Variants in ZMPSTE24 observed in about 807,000 individuals in gnomAD.
The protein encoded by ZMPSTE24 is CAAX prenyl protease 1 homolog.
Under a neutral mutation model 56.7 loss-of-function variants are expected in ZMPSTE24, and 48 were observed. The ratio of observed to expected loss-of-function variants is 0.85; its 90% CI spans 0.67 to 1.08. ZMPSTE24 has a LOEUF of 1.08. Among genes scored for constraint, ZMPSTE24 ranks in the 50% least tolerant of loss-of-function variants. ZMPSTE24 has a pLI of 0.00. For synonymous variants in ZMPSTE24, 172 were observed against 195.2 expected (o/e 0.88, Z 0.99); for missense variants, 503 against 548.7 (o/e 0.92, Z 0.83).
intron 8 of ZMPSTE24, among the ~76,000 whole-genome samples, chr1:40,288,514 T>C (rs1643808582): frequency 6.6e-6 from 1 of 152,224 alleles, no homozygotes; most frequent in Non-Finnish European, 1.5e-5. Context: ...GCATATGGCA[T>C]GCGCCAGTGA....
rs768751292 is a variant in ZMPSTE24 at position 40,271,997 on chromosome 1, G to A, written c.731G>A (p.Ser244Asn). 6 of 1,612,752 alleles carry A rather than the reference G, an allele frequency of 3.7e-6. No homozygotes were observed. The highest frequency in any genetic ancestry group is 1.1e-5 in the South Asian group (1 of 90,836). The change falls in exon 6 of 10, where the codon AGT becomes AAT. Residue 244 changes from serine to asparagine, a missense_variant. Coordinates refer to ENST00000372759, the MANE Select transcript of ZMPSTE24 (RefSeq NM_005857.5). ...LKEEIEVMAKSIDFPLTKVYV... is the reference protein window; with the variant it reads ...LKEEIEVMAKNIDFPLTKVYV... The stretch of plus-strand genomic sequence containing the variant: ...GAAGAAATTGAAGTAATGGCAAAGA[G>A]TATTGACTTTCCTTTGACGAAGGTG...
intron 1 of ZMPSTE24, among the ~76,000 whole-genome samples, chr1:40,260,142 C>T (rs1643481461): frequency 6.9e-6 from 1 of 144,704 alleles, no homozygotes; most frequent in Non-Finnish European, 1.5e-5. Flanking sequence ...CTTACTGCAA[C>T]CTCTGCCTCC....
chr1:40,260,694 A>T, intron 1 of ZMPSTE24, 145 bp from the exon 2 acceptor site: 1 of 760,352 alleles, frequency 1.3e-6, no homozygotes, highest in Non-Finnish European at 2.1e-6. Context: ...CGTTTCATGT[A>T]CTTGATCAAG....
intron 2 of ZMPSTE24, among the ~76,000 whole-genome samples, chr1:40,264,877 CAAAAAA>C (rs35889679): frequency 1.9e-5 from 1 of 53,266 alleles, no homozygotes; most frequent in Non-Finnish European, 3.7e-5. Flanking sequence ...GATCCTGTCT[CAAAAAA>C]AAAAAAAAAA....
Position 40,292,422 on chromosome 1 carries a change from AACCCT to A in ZMPSTE24, c.1204-22_1204-18del. On this transcript the variant is annotated intron_variant, in intron 9 of 9. Coordinates refer to ENST00000372759, the MANE Select transcript of ZMPSTE24 (RefSeq NM_005857.5). Reference sequence around the variant, plus strand: ...CAACAAAGAGGTGGGCAGTGGCTAAAACCCTTTCATTTTCTTTTTCAGGTTCTTTC... The same window carrying A: ...CAACAAAGAGGTGGGCAGTGGCTAAATTCATTTTCTTTTTCAGGTTCTTTC... The A allele has an allele frequency of 6.2e-7, 1 of 1,611,172 alleles. No individual in the cohort carries two copies. The highest frequency in any genetic ancestry group is 8.5e-7 in the Non-Finnish European group (1 of 1,178,846).
intron 7 of ZMPSTE24, among the ~76,000 whole-genome samples, chr1:40,284,001 C>T (rs568604811): frequency 6.7e-6 from 1 of 148,710 alleles, no homozygotes; most frequent in South Asian, 2.1e-4. Context: ...TGCAGTGGCG[C>T]GATCTCAGCT....
chr1:40,281,472 T>C lies in ZMPSTE24; in HGVS notation c.899T>C (p.Met300Thr), dbSNP rs1569651080. ...AAAGACATCCAGGAGGATTCTGGCATGGAACCCCGCAATGAGGAAGAAGGG... is the reference window on the plus strand; with the variant it reads ...AAAGACATCCAGGAGGATTCTGGCACGGAACCCCGCAATGAGGAAGAAGGG... ...LNKDIQEDSG[M>T]EPRNEEEGNS... The change falls in exon 7 of 10, where the codon ATG becomes ACG. Residue 300 changes from methionine to threonine, a missense_variant. By Grantham distance (81) the Met-to-Thr change is moderately conservative. Coordinates refer to ENST00000372759, the MANE Select transcript of ZMPSTE24 (RefSeq NM_005857.5). 1.2e-6 allele frequency: 2 copies of C among 1,614,152 alleles called. No individual in the cohort carries two copies. The highest frequency in any genetic ancestry group is 4.5e-5 in the East Asian group (2 of 44,858).
At position 40,270,097 on chromosome 1, in the gene ZMPSTE24, T is replaced by C. The variant is rs759745607; in HGVS notation, c.597T>C (p.Tyr199=). ...TTGGGGGTGACTATTTTTTTATTTA[T>C]GCCTGGCTGTTCACATTAGTTGTGT... ...IKIGGDYFFI[Y]AWLFTLVVSL... Residue 199 remains tyrosine, a synonymous_variant, in exon 5 of 10, where the codon TAT becomes TAC. Coordinates refer to ENST00000372759, the MANE Select transcript of ZMPSTE24 (RefSeq NM_005857.5). 1.2e-6 allele frequency: 2 copies of C among 1,613,996 alleles called. No individual in the cohort carries two copies. The highest frequency in any genetic ancestry group is 2.2e-5 in the South Asian group (2 of 91,060).
intron 9 of ZMPSTE24, among the ~76,000 whole-genome samples, chr1:40,292,038 A>G (rs549881819): frequency 1.8e-3 from 272 of 151,972 alleles, no homozygotes; most frequent in African/African-American, 6.3e-3. Context: ...ACAGGGTTTC[A>G]CCATGTTGGC....
At chr1:40,269,105 A>G (rs574450935) in intron 4 of ZMPSTE24, among the ~76,000 whole-genome samples, 5 of 151,532 alleles carry the variant, frequency 3.3e-5, no homozygotes, top group African/African-American at 1.2e-4. Flanking sequence ...AAAGAAAGAA[A>G]AAAAGTCTTG....
chr1:40,262,898 T>C (rs1643513578), intron 2 of ZMPSTE24: 48 of 1,116,786 alleles, frequency 4.3e-5, no homozygotes, highest in Non-Finnish European at 5.3e-5. Context: ...GAGTTCTTGT[T>C]CTATACTGAT....
intron 6 of ZMPSTE24, among the ~76,000 whole-genome samples, chr1:40,280,594 T>C (rs1025776522): frequency 2.0e-5 from 3 of 151,948 alleles, no homozygotes; most frequent in African/African-American, 7.3e-5. Flanking sequence ...CCGGCTAATT[T>C]TTTGTATTTT....
At chr1:40,273,535 AAAATATATATATATATAT>A (rs1450205481) in intron 6 of ZMPSTE24, among the ~76,000 whole-genome samples, 6 of 45,488 alleles carry the variant, frequency 1.3e-4, no homozygotes, top group Non-Finnish European at 2.3e-4. Flanking sequence ...AAAAAAAAAA[AAAATATATATATATATAT>A]ATATATATAT....
chr1:40,289,554 TTCTTA>T (rs1643819375), intron 8 of ZMPSTE24, among the ~76,000 whole-genome samples: 1 of 152,202 alleles, frequency 6.6e-6, no homozygotes, highest in Non-Finnish European at 1.5e-5. Context: ...CTGGTGAGCC[TTCTTA>T]TGCTCTAAGC....
Position 40,292,434 on chromosome 1 carries a change from T to C in ZMPSTE24, c.1204-11T>C. The C allele has an allele frequency of 1.2e-6, 2 of 1,613,006 alleles. No homozygotes were observed. The highest frequency in any genetic ancestry group is 1.7e-6 in the Non-Finnish European group (2 of 1,179,792). On this transcript the variant is annotated splice_polypyrimidine_tract_variant and intron_variant, in intron 9 of 9. Coordinates refer to ENST00000372759, the MANE Select transcript of ZMPSTE24 (RefSeq NM_005857.5). ...GGGCAGTGGCTAAAACCCTTTCATT[T>C]TCTTTTTCAGGTTCTTTCTTTTTGC...
intron 6 of ZMPSTE24, among the ~76,000 whole-genome samples, chr1:40,277,002 C>T (rs904778669): frequency 4.0e-5 from 6 of 151,698 alleles, no homozygotes; most frequent in African/African-American, 1.5e-4. Flanking sequence ...GTCTGTTGAC[C>T]GAAATGTCAT....
intron 1 of ZMPSTE24, among the ~76,000 whole-genome samples, 180 bp downstream of exon 1, chr1:40,258,574 G>C (rs746747678): frequency 2.6e-5 from 4 of 152,098 alleles, no homozygotes; most frequent in Non-Finnish European, 4.4e-5. Flanking sequence ...GTCTTGGTGC[G>C]TCAAGGAAGT....
At chr1:40,284,582 T>C (rs1398730239) in intron 7 of ZMPSTE24, among the ~76,000 whole-genome samples, 1 of 151,828 alleles carries the variant, frequency 6.6e-6, no homozygotes, top group Admixed American at 6.6e-5. Flanking sequence ...TGAAACCCTG[T>C]CTCTACTAAA....
At chr1:40,259,799 A>T (rs1334366447) in intron 1 of ZMPSTE24, among the ~76,000 whole-genome samples, 2 of 151,416 alleles carry the variant, frequency 1.3e-5, no homozygotes, top group East Asian at 3.9e-4. Context: ...TTTTGTAGAG[A>T]TGTTGCCCGG....
Sources: gnomAD v4.1 joint callset for allele counts (sites outside exome capture counted in the v4.1 genomes callset) on GRCh38, gnomAD v4.1.1 for gene constraint, MANE v1.5 for transcripts, NCBI Gene and HGNC (gene_info 2026-07-23, HGNC 2026-07-21) for gene names.